Variants in DPP6 observed in about 807,000 individuals in gnomAD.
DPP6 encodes the protein A-type potassium channel modulatory protein DPP6.
Under a neutral mutation model 122.6 loss-of-function variants are expected in DPP6, and 69 were observed. The ratio of observed to expected loss-of-function variants is 0.56; its 90% CI spans 0.46 to 0.69. The LOEUF (loss-of-function observed/expected upper bound fraction) is 0.69. DPP6 is among the 30% of genes least tolerant of loss of function. The probability of loss-of-function intolerance (pLI) is 0.00; values close to 1 mark genes in which losing one functional copy is unlikely to be tolerated. For missense variants in DPP6, 928 were observed against 1,116.9 expected, an observed-to-expected ratio of 0.83 and a Z score of 2.41; for synonymous variants, 418 against 433.1, an observed-to-expected ratio of 0.97 and a Z score of 0.43.
At chr7:154,339,299 G>C (rs1346858352) in intron 1 of DPP6, among the ~76,000 whole-genome samples, 2 of 152,244 alleles carry the variant, frequency 1.3e-5, no homozygotes, top group Non-Finnish European at 2.9e-5. Flanking sequence ...AGGGACGTGG[G>C]GTGGTGGGAC....
At chr7:154,688,568 A>G (rs1563105813) in intron 7 of DPP6, among the ~76,000 whole-genome samples, 2 of 152,228 alleles carry the variant, frequency 1.3e-5, no homozygotes, top group South Asian at 2.1e-4. Context: ...ACAAGGTCCC[A>G]TAATAGGCTG....
chr7:154,661,620 C>T (rs1837660270), intron 6 of DPP6, among the ~76,000 whole-genome samples: 1 of 145,650 alleles, frequency 6.9e-6, no homozygotes, highest in African/African-American at 2.6e-5. Context: ...GGTGAATCAC[C>T]ATGGCGTATT....
At chr7:153,786,511 G>A in the DPP6 span, among the ~76,000 whole-genome samples, 28 of 151,484 alleles carry the variant, frequency 1.8e-4, no homozygotes, top group African/African-American at 2.2e-4. Flanking sequence ...AGGCCGAGGC[G>A]GGCGGATCAC....
At chr7:153,825,733 G>A in the DPP6 span, among the ~76,000 whole-genome samples, 30 of 152,130 alleles carry the variant, frequency 2.0e-4, no homozygotes, top group African/African-American at 4.8e-4. Flanking sequence ...CAAATTTTTT[G>A]TATTTTTAGT....
the DPP6 span, among the ~76,000 whole-genome samples, chr7:153,834,922 AAT>A: frequency 6.6e-6 from 1 of 152,210 alleles, no homozygotes; most frequent in East Asian, 1.9e-4. Context: ...TACTCTGTAC[AAT>A]ATCTCAGCAA....
chr7:154,884,245 A>G (rs1805855446), intron 21 of DPP6: 1 of 147,060 alleles, frequency 6.8e-6, no homozygotes, highest in Non-Finnish European at 1.5e-5. Context: ...ACACATGCTC[A>G]CAAATTACAT....
Position 154,586,393 on chromosome 7 carries a change from G to A in DPP6, c.627+19477G>A, listed in dbSNP as rs188909757. On this transcript the variant is annotated intron_variant, in intron 5 of 25. Coordinates refer to ENST00000377770, the MANE Select transcript of DPP6 (RefSeq NM_130797.4). ...GCCTGCCCTTATGCCCACTAAACGC[G>A]CTTGTCCAATCTCATGGTTAAGGAG... is the stretch of plus-strand genomic sequence containing the variant. 1.5e-3 allele frequency among the ~76,000 whole-genome samples: 232 copies of A among 152,252 alleles called. 1 individual carries two copies. The highest frequency in any genetic ancestry group is 5.2e-3 in the African/African-American group (217 of 41,540).
At chr7:154,578,376 T>C (rs1328556910) in intron 5 of DPP6, among the ~76,000 whole-genome samples, 1 of 152,238 alleles carries the variant, frequency 6.6e-6, no homozygotes, top group Admixed American at 6.5e-5. Context: ...CATTTTCTAA[T>C]GTTCTTTTTC....
intron 1 of DPP6, among the ~76,000 whole-genome samples, chr7:154,219,951 G>A (rs140618314): frequency 1.3e-5 from 2 of 152,298 alleles, no homozygotes; most frequent in Non-Finnish European, 2.9e-5. Flanking sequence ...TGATTCTGCC[G>A]AGAATTGTGG....
At chr7:154,331,216 C>A (rs184655192) in intron 1 of DPP6, among the ~76,000 whole-genome samples, 146 of 152,298 alleles carry the variant, frequency 9.6e-4, no homozygotes, top group African/African-American at 3.1e-3. Flanking sequence ...GCCAGAGAGA[C>A]GACATTGGCA....
chr7:153,803,906 T>G, the DPP6 span, among the ~76,000 whole-genome samples: 3 of 152,088 alleles, frequency 2.0e-5, no homozygotes, highest in Admixed American at 1.3e-4. Flanking sequence ...GTTTTGTTTC[T>G]TTGAAGGACC....
At chr7:154,447,161 C>G (rs1425991324) in intron 2 of DPP6, among the ~76,000 whole-genome samples, 1 of 152,090 alleles carries the variant, frequency 6.6e-6, no homozygotes, top group Non-Finnish European at 1.5e-5. Context: ...CAAAAATTAG[C>G]CAGGCGTGGT....
At chr7:154,186,846 A>T (rs960697901) in intron 1 of DPP6, among the ~76,000 whole-genome samples, 25 of 152,254 alleles carry the variant, frequency 1.6e-4, no homozygotes, top group Non-Finnish European at 7.3e-5. Context: ...ATAATTTTTT[A>T]AAAAATCAGA....
At chr7:153,773,657 A>G in the DPP6 span, among the ~76,000 whole-genome samples, 65,061 of 150,398 alleles carry the variant, frequency 0.43, 14,439 homozygotes, top group South Asian at 0.54. Flanking sequence ...TTTGAACTAC[A>G]TCAAAGTATA....
intron 7 of DPP6, among the ~76,000 whole-genome samples, chr7:154,684,243 T>C (rs1257417915): frequency 6.6e-6 from 1 of 150,618 alleles, no homozygotes; most frequent in East Asian, 2.0e-4. Context: ...ACCCCTCTGC[T>C]CTGTCCCCTG....
intron 1 of DPP6, among the ~76,000 whole-genome samples, chr7:154,097,450 G>C (rs1336889978): frequency 6.6e-6 from 1 of 152,256 alleles, no homozygotes; most frequent in Non-Finnish European, 1.5e-5. Context: ...AGCATAGCTG[G>C]ACAGGGCTTC....
chr7:154,647,058 C>T (rs1376000383), intron 6 of DPP6, among the ~76,000 whole-genome samples: 1 of 152,212 alleles, frequency 6.6e-6, no homozygotes, highest in Non-Finnish European at 1.5e-5. Context: ...TTAAACTCTA[C>T]ACCCATGTCC....
chr7:154,245,239 C>T (rs1034479594), intron 1 of DPP6, among the ~76,000 whole-genome samples: 3 of 151,900 alleles, frequency 2.0e-5, no homozygotes, highest in African/African-American at 4.8e-5. Flanking sequence ...AGGTGTGAGC[C>T]ACTGCACCAG....
intron 1 of DPP6, among the ~76,000 whole-genome samples, chr7:153,907,327 C>G (rs1372826790): frequency 6.6e-6 from 1 of 152,134 alleles, no homozygotes; most frequent in African/African-American, 2.4e-5. Context: ...TGGATCAAAT[C>G]ACAGCTGGAT....
Sources: gnomAD v4.1 joint callset for allele counts (sites outside exome capture counted in the v4.1 genomes callset) on GRCh38, gnomAD v4.1.1 for gene constraint, MANE v1.5 for transcripts, NCBI Gene and HGNC (gene_info 2026-07-23, HGNC 2026-07-21) for gene names.